Variants in BRD4 observed in about 807,000 individuals in gnomAD.
The protein encoded by BRD4 is bromodomain-containing protein 4.
A neutral mutation model predicts 142.1 loss-of-function variants in BRD4; 16 were observed. That is an observed-to-expected ratio of 0.11 (90% CI 0.08 to 0.17). The LOEUF (loss-of-function observed/expected upper bound fraction) is 0.17, where lower values mean the gene tolerates loss of function less well. BRD4 is among the 10% of genes least tolerant of loss of function. The pLI is 1.00. For synonymous variants in BRD4, 833 were observed against 707.5 expected (o/e 1.18, Z -2.82); for missense variants, 1,424 against 1,810.9 (o/e 0.79, Z 3.88).
chr19:15,331,217 C>T (rs1568416023), intron 1 of BRD4, among the ~76,000 whole-genome samples: 1 of 152,208 alleles, frequency 6.6e-6, no homozygotes, highest in African/African-American at 2.4e-5. Flanking sequence ...AGGAGAAGCA[C>T]ATGACTCATG....
In BRD4 at chr19:15,243,888, C is replaced by T. The variant is rs562991386; in HGVS notation, c.2581+343G>A. On this transcript the variant is annotated intron_variant, in intron 13 of 19. Coordinates refer to ENST00000679869, the MANE Select transcript of BRD4 (RefSeq NM_001379291.1). The stretch of plus-strand genomic sequence containing the variant: ...CCCATCTCATGAGTGCATCCCCCAA[C>T]CCCTGATGAGAAAAGCTGCAGAGGG... Among the ~76,000 whole-genome samples, 60 of 152,306 alleles carry T rather than the reference C, an allele frequency of 3.9e-4. 1 individual carries two copies. The highest frequency in any genetic ancestry group is 8.5e-4 in the Admixed American group (13 of 15,310).
At chr19:15,294,607 A>AG (rs2047808718) in intron 1 of BRD4, among the ~76,000 whole-genome samples, 1 of 152,244 alleles carries the variant, frequency 6.6e-6, no homozygotes. Context: ...AATATACCAC[A>AG]GGCAGCCAAC....
chr19:15,273,185 C>T (rs537218037), intron 1 of BRD4, 52 bp from the exon 2 acceptor site: 23 of 1,478,434 alleles, frequency 1.6e-5, no homozygotes, highest in African/African-American at 2.8e-5. Flanking sequence ...AGATGGGCAC[C>T]GCTCAGAATG....
At chr19:15,310,935 G>A (rs530606349) in intron 1 of BRD4, among the ~76,000 whole-genome samples, 2 of 152,222 alleles carry the variant, frequency 1.3e-5, no homozygotes, top group East Asian at 3.9e-4. Flanking sequence ...AGGATATGGG[G>A]AATTTAAAGC....
intron 1 of BRD4, among the ~76,000 whole-genome samples, chr19:15,323,596 G>A (rs1394521639): frequency 6.6e-6 from 1 of 152,164 alleles, no homozygotes; most frequent in Non-Finnish European, 1.5e-5. Flanking sequence ...TACTGCCTGA[G>A]AAGGAACAAC....
At chr19:15,315,020 A>G (rs2048004446) in intron 1 of BRD4, among the ~76,000 whole-genome samples, 1 of 152,038 alleles carries the variant, frequency 6.6e-6, no homozygotes, top group Non-Finnish European at 1.5e-5. Flanking sequence ...TCCTATATGC[A>G]GTGCGGTTTC....
At chr19:15,314,496 T>C (rs1247280117) in intron 1 of BRD4, among the ~76,000 whole-genome samples, 1 of 152,138 alleles carries the variant, frequency 6.6e-6, no homozygotes, top group Non-Finnish European at 1.5e-5. Flanking sequence ...GGGACTCTTA[T>C]TTCCGACGTC....
At chr19:15,279,223 T>C (rs570751517) in intron 1 of BRD4, among the ~76,000 whole-genome samples, 1 of 152,360 alleles carries the variant, frequency 6.6e-6, no homozygotes, top group Non-Finnish European at 1.5e-5. Flanking sequence ...AGACAGTACT[T>C]AACAGAGAAC....
At chr19:15,277,217 G>A (rs1426918743) in intron 1 of BRD4, among the ~76,000 whole-genome samples, 1 of 152,166 alleles carries the variant, frequency 6.6e-6, no homozygotes, top group Non-Finnish European at 1.5e-5. Context: ...ATCCAAAGGC[G>A]GCTACATAAT....
chr19:15,307,132 G>GAACT (rs1319304839), intron 1 of BRD4, among the ~76,000 whole-genome samples: 1 of 152,202 alleles, frequency 6.6e-6, no homozygotes, highest in Non-Finnish European at 1.5e-5. Context: ...AGAGGTGACT[G>GAACT]AACTGGTCAG....
chr19:15,329,008 G>GGT (rs1212412279), intron 1 of BRD4, among the ~76,000 whole-genome samples: 5 of 151,904 alleles, frequency 3.3e-5, no homozygotes, highest in Admixed American at 3.3e-4. Context: ...TTTGACCCCA[G>GGT]GTGATCTGCC....
intron 1 of BRD4, among the ~76,000 whole-genome samples, chr19:15,280,042 AG>A (rs113899027): frequency 0.015 from 2,345 of 152,340 alleles, 48 homozygotes; most frequent in African/African-American, 0.053. Flanking sequence ...AGAGCTCCAC[AG>A]GAGGTACCTG....
At chr19:15,279,024 A>C (rs1365442722) in intron 1 of BRD4, among the ~76,000 whole-genome samples, 1 of 152,294 alleles carries the variant, frequency 6.6e-6, no homozygotes, top group East Asian at 1.9e-4. Flanking sequence ...TATTTTTAGT[A>C]GAGATGGGGT....
In BRD4 at chr19:15,310,358, TCCCCCCCCCC is replaced by T. The variant is rs869177682; in HGVS notation, c.-35+21922_-35+21931del. Among the ~76,000 whole-genome samples the T allele has an allele frequency of 2.3e-3, 58 of 25,682 alleles. 7 individuals are homozygous for T. The highest frequency in any genetic ancestry group is 7.0e-3 in the South Asian group (4 of 570). 16.8% of individuals were successfully genotyped at this position (25,682 alleles called of 152,430 possible). A position where few individuals can be genotyped will look rare whatever the true frequency, so the allele number is the denominator to read the frequency against. ...CACCATGTCCGGCTGATTTTTGGAT[TCCCCCCCCCC>T]CCCCCCCCCCCCGAAGGAGTCTCAC... On this transcript the variant is annotated intron_variant, in intron 1 of 19. Transcript: ENST00000679869.
In BRD4 at chr19:15,254,237, G is replaced by T; in HGVS notation, c.2073C>A (p.Gly691=). ...ACGAGAAGCCCTTCATCTTGGAGGA[G>T]CCGGCAATCACATCAACTTTCTCAG... ...PQAEKVDVIA[G]SSKMKGFSSS... The change falls in exon 11 of 20, where the codon GGC becomes GGA. Residue 691 remains glycine (G), a synonymous_variant. Coordinates refer to ENST00000679869, the MANE Select transcript of BRD4 (RefSeq NM_001379291.1). 1 of 1,614,224 alleles carries T rather than the reference G, an allele frequency of 6.2e-7. No individual in the cohort carries two copies. The highest frequency in any genetic ancestry group is 8.5e-7 in the Non-Finnish European group (1 of 1,180,038).
chr19:15,287,192 T>C (rs2047746229), intron 1 of BRD4, among the ~76,000 whole-genome samples: 1 of 151,722 alleles, frequency 6.6e-6, no homozygotes, highest in Non-Finnish European at 1.5e-5. Flanking sequence ...TTGAGTTTCC[T>C]GTATGCAAAA....
intron 11 of BRD4, 123 bp from the exon 12 acceptor site, chr19:15,244,885 C>A (rs2047272165): frequency 3.3e-6 from 5 of 1,530,804 alleles, no homozygotes; most frequent in African/African-American, 1.4e-5. Flanking sequence ...TGAGAAAGGG[C>A]AGCCGAGTTC....
intron 1 of BRD4, among the ~76,000 whole-genome samples, chr19:15,303,958 C>T (rs950963879): frequency 6.6e-6 from 1 of 152,142 alleles, no homozygotes; most frequent in Non-Finnish European, 1.5e-5. Flanking sequence ...TGGAGTGATG[C>T]CCTCTGAGCC....
At chr19:15,280,958 A>G (rs1279207078) in intron 1 of BRD4, among the ~76,000 whole-genome samples, 1 of 152,224 alleles carries the variant, frequency 6.6e-6, no homozygotes, top group Non-Finnish European at 1.5e-5. Flanking sequence ...ACACAACATC[A>G]ATATCAGAAG....
Sources: allele counts gnomAD v4.1 joint callset (sites outside exome capture counted in the v4.1 genomes callset), GRCh38; gene constraint gnomAD v4.1.1; transcripts MANE v1.5; gene names NCBI Gene and HGNC (gene_info 2026-07-23, HGNC 2026-07-21).